The following STAG1 variants were observed in gnomAD, a reference collection of about 807,000 sequenced individuals.
STAG1 encodes the protein STAG1 cohesin complex component.
In STAG1, 26 loss-of-function variants were observed where a neutral mutation model predicts 170.9. The ratio of observed to expected loss-of-function variants is 0.15; its 90% CI spans 0.11 to 0.21. The LOEUF is 0.21. Among genes scored for constraint, STAG1 ranks in the 10% least tolerant of loss-of-function variants. The probability of loss-of-function intolerance (pLI) is 1.00; values close to 1 mark genes in which losing one functional copy is unlikely to be tolerated. For synonymous variants in STAG1, 514 were observed against 497.7 expected (o/e 1.03, Z -0.44); for missense variants, 964 against 1,509.5 (o/e 0.64, Z 5.99).
chr3:136,347,793 A>G (rs1329318567), intron 29 of STAG1, among the ~76,000 whole-genome samples: 1 of 152,216 alleles, frequency 6.6e-6, no homozygotes, highest in Non-Finnish European at 1.5e-5. Flanking sequence ...CTGTGTGTAT[A>G]CTAAGTAGTT....
chr3:136,541,414 CAA>C (rs1646668656), intron 6 of STAG1, among the ~76,000 whole-genome samples: 1 of 151,994 alleles, frequency 6.6e-6, no homozygotes, highest in Non-Finnish European at 1.5e-5. Flanking sequence ...TAAAACTGCT[CAA>C]GAGAATATTT....
intron 1 of STAG1, among the ~76,000 whole-genome samples, chr3:136,693,402 G>A (rs1942786286): frequency 1.3e-5 from 2 of 152,150 alleles, no homozygotes; most frequent in Non-Finnish European, 1.5e-5. Context: ...AGAAAGGACT[G>A]GGAAAAACCC....
intron 16 of STAG1, among the ~76,000 whole-genome samples, chr3:136,425,506 A>G (rs1337688435): frequency 6.6e-6 from 1 of 152,122 alleles, no homozygotes; most frequent in Non-Finnish European, 1.5e-5. Context: ...AGTTATATAA[A>G]TAAGATTTCT....
chr3:136,627,088 T>C (rs143901018), intron 2 of STAG1, among the ~76,000 whole-genome samples: 1 of 152,342 alleles, frequency 6.6e-6, no homozygotes, highest in East Asian at 1.9e-4. Context: ...GTATTGTTTA[T>C]TGATGCCCCT....
chr3:136,602,048 T>A (rs1327302994), intron 4 of STAG1, among the ~76,000 whole-genome samples: 1 of 152,108 alleles, frequency 6.6e-6, no homozygotes, highest in Non-Finnish European at 1.5e-5. Flanking sequence ...AAATTATTTT[T>A]ACATAAATAT....
At chr3:136,423,496 T>C (rs2088020461) in intron 16 of STAG1, among the ~76,000 whole-genome samples, 2 of 152,230 alleles carry the variant, frequency 1.3e-5, no homozygotes, top group South Asian at 4.1e-4. Context: ...TCATTTACAT[T>C]TGAGTCTCCT....
chr3:136,743,184 T>C (rs1333509725), intron 1 of STAG1, among the ~76,000 whole-genome samples: 4 of 152,134 alleles, frequency 2.6e-5, no homozygotes, highest in African/African-American at 9.6e-5. Context: ...ATGGCCAACA[T>C]AGTGAAACCC....
chr3:136,669,947 A>G (rs1941928493), intron 1 of STAG1, among the ~76,000 whole-genome samples: 1 of 152,214 alleles, frequency 6.6e-6, no homozygotes, highest in African/African-American at 2.4e-5. Context: ...ATGTGCTACT[A>G]ATTGGTAACA....
At chr3:136,662,822 T>C (rs1941622779) in intron 1 of STAG1, among the ~76,000 whole-genome samples, 1 of 152,146 alleles carries the variant, frequency 6.6e-6, no homozygotes, top group Non-Finnish European at 1.5e-5. Context: ...GGAGCCAACG[T>C]GCGTGGATCA....
chr3:136,736,799 T>A, intron 1 of STAG1: 1 of 1,588,620 alleles, frequency 6.3e-7, no homozygotes, highest in Non-Finnish European at 8.6e-7. Flanking sequence ...AGGATCATCC[T>A]CCTCTACAAT....
intron 1 of STAG1, among the ~76,000 whole-genome samples, chr3:136,663,241 G>A (rs1941637746): frequency 6.6e-6 from 1 of 152,038 alleles, no homozygotes; most frequent in Admixed American, 6.6e-5. Context: ...ACAAACAGCA[G>A]TTATCAAATG....
chr3:136,451,804 A>G (rs566395254), intron 14 of STAG1, among the ~76,000 whole-genome samples: 40 of 152,238 alleles, frequency 2.6e-4, no homozygotes, highest in African/African-American at 9.4e-4. Context: ...GCAATACTGT[A>G]AAAGTTTAAC....
intron 1 of STAG1, among the ~76,000 whole-genome samples, chr3:136,643,316 A>G (rs1940873996): frequency 6.6e-6 from 1 of 152,240 alleles, no homozygotes; most frequent in Admixed American, 6.5e-5. Context: ...CCTGTATTTA[A>G]GAAGTTGCTA....
At chr3:136,642,532 C>CT (rs2107847811) in intron 1 of STAG1, among the ~76,000 whole-genome samples, 1 of 152,244 alleles carries the variant, frequency 6.6e-6, no homozygotes, top group East Asian at 1.9e-4. Flanking sequence ...TCCCAACATG[C>CT]TGGGATCACA....
intron 7 of STAG1, 22 bp downstream of exon 7, chr3:136,521,191 A>G (rs371402977): frequency 1.3e-6 from 2 of 1,590,616 alleles, no homozygotes; most frequent in Admixed American, 3.4e-5. Context: ...AATGAAAAGG[A>G]AATAAAATGT....
chr3:136,413,825 G>C (rs1027917916), intron 21 of STAG1, among the ~76,000 whole-genome samples: 1 of 152,024 alleles, frequency 6.6e-6, no homozygotes, highest in South Asian at 2.1e-4. Flanking sequence ...TAAATCACTA[G>C]GAGGAGAAAA....
At chr3:136,530,524 C>T (rs974189480) in intron 6 of STAG1, among the ~76,000 whole-genome samples, 1 of 152,050 alleles carries the variant, frequency 6.6e-6, no homozygotes, top group Non-Finnish European at 1.5e-5. Context: ...AGCCACAAAA[C>T]AAGTCTCGTC....
intron 1 of STAG1, among the ~76,000 whole-genome samples, chr3:136,668,735 A>G: frequency 6.6e-6 from 1 of 152,122 alleles, no homozygotes; most frequent in East Asian, 1.9e-4. Context: ...TACTGGGATC[A>G]GTCACTGGGA....
chr3:136,717,615 G>T (rs1391935235), intron 1 of STAG1, among the ~76,000 whole-genome samples: 3 of 152,160 alleles, frequency 2.0e-5, no homozygotes, highest in Admixed American at 2.0e-4. Context: ...AGTGAGCGGA[G>T]ATCGTGCCAT....
Sources: gnomAD v4.1 joint callset for allele counts (sites outside exome capture counted in the v4.1 genomes callset) on GRCh38, gnomAD v4.1.1 for gene constraint, MANE v1.5 for transcripts, NCBI Gene and HGNC (gene_info 2026-07-23, HGNC 2026-07-21) for gene names.